FBXL7: variants seen among roughly 807,000 people sequenced by gnomAD.
The protein encoded by FBXL7 is F-box and leucine rich repeat protein 7.
Under a neutral mutation model 38.3 loss-of-function variants are expected in FBXL7, and 12 were observed. The observed-to-expected ratio is 0.31, with a 90% CI of 0.20 to 0.51. The LOEUF (loss-of-function observed/expected upper bound fraction) is 0.51, where lower values mean the gene tolerates loss of function less well. Ranked by LOEUF, FBXL7 falls within the 20% of genes least tolerant of loss-of-function variation. The probability of loss-of-function intolerance (pLI) is 0.98; values close to 1 mark genes in which losing one functional copy is unlikely to be tolerated. For synonymous variants in FBXL7, 297 were observed against 300.9 expected (o/e 0.99, Z 0.13); for missense variants, 567 against 676.4 (o/e 0.84, Z 1.79).
intron 2 of FBXL7, among the ~76,000 whole-genome samples, chr5:15,811,352 T>C (rs1452154569): frequency 1.3e-5 from 2 of 152,154 alleles, no homozygotes; most frequent in African/African-American, 4.8e-5. Context: ...AGTTGGTTTC[T>C]TCTGAAGTGT....
intron 2 of FBXL7, among the ~76,000 whole-genome samples, chr5:15,840,719 C>A (rs189688383): frequency 2.0e-5 from 3 of 151,700 alleles, no homozygotes; most frequent in Non-Finnish European, 2.9e-5. Context: ...CGGTGGCACG[C>A]GCTTGTAGTC....
At chr5:15,790,707 T>A (rs1579464916) in intron 2 of FBXL7, among the ~76,000 whole-genome samples, 1 of 152,152 alleles carries the variant, frequency 6.6e-6, no homozygotes, top group South Asian at 2.1e-4. Context: ...TAGAGCAGCT[T>A]CCCTGACATT....
intron 2 of FBXL7, among the ~76,000 whole-genome samples, chr5:15,714,947 G>C (rs964160300): frequency 1.3e-5 from 2 of 151,840 alleles, no homozygotes; most frequent in Non-Finnish European, 2.9e-5. Context: ...TTTGAAGATG[G>C]AACAGGGGCC....
At chr5:15,923,614 G>C (rs1197469408) in intron 2 of FBXL7, among the ~76,000 whole-genome samples, 1 of 152,116 alleles carries the variant, frequency 6.6e-6, no homozygotes, top group African/African-American at 2.4e-5. Context: ...ATGCATCTCT[G>C]TACTTTTTAC....
At chr5:15,807,485 C>G (rs565399591) in intron 2 of FBXL7, among the ~76,000 whole-genome samples, 6 of 152,242 alleles carry the variant, frequency 3.9e-5, no homozygotes, top group African/African-American at 1.4e-4. Flanking sequence ...TCCCCGCTGG[C>G]TGGAGAGATC....
rs542550725 is a variant in FBXL7 at position 15,521,366 on chromosome 5, T to C, written c.37+20653T>C. Among the ~76,000 whole-genome samples, 113 of 152,360 alleles carry C rather than the reference T, an allele frequency of 7.4e-4. 1 individual carries two copies. Among genetic ancestry groups the C allele is most frequent in the African/African-American group, 2.6e-3 (109 of 41,588 alleles). Reference sequence around the variant, plus strand: ...GAAGGTTTCACACATAGCAGAGTTCTCATAGTGATTGTAAGATTATTGGTT... The same window carrying C: ...GAAGGTTTCACACATAGCAGAGTTCCCATAGTGATTGTAAGATTATTGGTT... On this transcript the variant is annotated intron_variant, in intron 1 of 3. Coordinates refer to ENST00000504595, the MANE Select transcript of FBXL7 (RefSeq NM_012304.5).
intron 2 of FBXL7, among the ~76,000 whole-genome samples, chr5:15,721,236 C>T (rs376957447): frequency 2.6e-5 from 4 of 152,070 alleles, no homozygotes; most frequent in Admixed American, 6.5e-5. Flanking sequence ...CTTGGATTTT[C>T]GAAGATTTTT....
chr5:15,927,800 A>AG, intron 2 of FBXL7, 90 bp from the exon 3 acceptor site: 4 of 970,618 alleles, frequency 4.1e-6, no homozygotes, highest in Non-Finnish European at 5.6e-6. Flanking sequence ...AGAAGAAAGA[A>AG]AAGAAAAGAA....
At chr5:15,641,508 T>C (rs1297339559) in intron 2 of FBXL7, among the ~76,000 whole-genome samples, 1 of 152,022 alleles carries the variant, frequency 6.6e-6, no homozygotes, top group Non-Finnish European at 1.5e-5. Context: ...TGCCATTTTT[T>C]TTTTTTTTTG....
intron 1 of FBXL7, among the ~76,000 whole-genome samples, chr5:15,503,668 A>G (rs1736563199): frequency 6.6e-6 from 1 of 152,234 alleles, no homozygotes; most frequent in East Asian, 1.9e-4. Flanking sequence ...ATCCACTGTG[A>G]TTCTGGGGGC....
chr5:15,806,333 T>C (rs140938581), intron 2 of FBXL7, among the ~76,000 whole-genome samples: 2 of 152,318 alleles, frequency 1.3e-5, no homozygotes, highest in East Asian at 1.9e-4. Context: ...TTGTGGATGA[T>C]TCATCTCAAA....
At chr5:15,754,468 T>C (rs1489604826) in intron 2 of FBXL7, among the ~76,000 whole-genome samples, 1 of 152,172 alleles carries the variant, frequency 6.6e-6, no homozygotes, top group East Asian at 1.9e-4. Flanking sequence ...GAGCATTTGG[T>C]TGGACTGATG....
At chr5:15,573,255 T>C (rs370789937) in intron 1 of FBXL7, among the ~76,000 whole-genome samples, 2 of 152,330 alleles carry the variant, frequency 1.3e-5, no homozygotes, top group East Asian at 3.9e-4. Context: ...TGAGAGATGC[T>C]GAGCCTTCCA....
chr5:15,517,133 T>C (rs894792378), intron 1 of FBXL7, among the ~76,000 whole-genome samples: 4 of 152,020 alleles, frequency 2.6e-5, no homozygotes, highest in Non-Finnish European at 5.9e-5. Context: ...TTCACGCCAT[T>C]CTCCTGCCTC....
At chr5:15,899,029 A>G (rs936663136) in intron 2 of FBXL7, among the ~76,000 whole-genome samples, 4 of 152,124 alleles carry the variant, frequency 2.6e-5, no homozygotes, top group African/African-American at 9.7e-5. Context: ...ATCATTATAT[A>G]TATATTTATA....
chr5:15,699,566 G>T (rs1366254291), intron 2 of FBXL7, among the ~76,000 whole-genome samples: 1 of 152,176 alleles, frequency 6.6e-6, no homozygotes, highest in African/African-American at 2.4e-5. Flanking sequence ...TTTCAAATGG[G>T]AGGTCACCTT....
intron 2 of FBXL7, among the ~76,000 whole-genome samples, chr5:15,791,066 G>GT (rs1737261750): frequency 1.4e-5 from 1 of 73,210 alleles, no homozygotes; most frequent in Non-Finnish European, 3.1e-5. Flanking sequence ...AGTGAGTTGT[G>GT]TAAAAGGGGG....
At chr5:15,689,699 G>T (rs1205821207) in intron 2 of FBXL7, among the ~76,000 whole-genome samples, 1 of 152,210 alleles carries the variant, frequency 6.6e-6, no homozygotes, top group Non-Finnish European at 1.5e-5. Flanking sequence ...ACTTGTAGAA[G>T]TAGTAGTGGT....
chr5:15,589,631 TGAATTG>T (rs1227418094), intron 1 of FBXL7, among the ~76,000 whole-genome samples: 1 of 152,250 alleles, frequency 6.6e-6, no homozygotes, highest in East Asian at 1.9e-4. Context: ...AAAGTCTTGA[TGAATTG>T]CATGATTTAT....
Sources: allele counts gnomAD v4.1 joint callset (sites outside exome capture counted in the v4.1 genomes callset), GRCh38; gene constraint gnomAD v4.1.1; transcripts MANE v1.5; gene names NCBI Gene and HGNC (gene_info 2026-07-23, HGNC 2026-07-21).